The following LRRC37A2 variants were observed in gnomAD, a reference collection of about 807,000 sequenced individuals.
LRRC37A2 encodes leucine-rich repeat-containing protein 37A2.
Under a neutral mutation model 68.8 loss-of-function variants are expected in LRRC37A2, and 9 were observed. The ratio of observed to expected loss-of-function variants is 0.13; its 90% CI spans 0.08 to 0.23. The LOEUF (loss-of-function observed/expected upper bound fraction) is 0.23. Ranked by LOEUF, LRRC37A2 falls within the 10% of genes least tolerant of loss-of-function variation. The pLI is 1.00. For synonymous variants in LRRC37A2, 63 were observed against 367.6 expected (o/e 0.17, Z 9.48); for missense variants, 168 against 950.4 (o/e 0.18, Z 10.82).
At chr17:47,000,733 C>T in the LRRC37A2 span, among the ~76,000 whole-genome samples, 35 of 152,204 alleles carry the variant, frequency 2.3e-4, no homozygotes, top group South Asian at 5.2e-3. Flanking sequence ...GCTTTATAAT[C>T]GTGGGTTTCA....
the LRRC37A2 span, chr17:46,763,846 A>AC: frequency 2.0e-5 from 3 of 149,820 alleles, no homozygotes; most frequent in Admixed American, 1.3e-4. Flanking sequence ...AAAAAAAAAA[A>AC]CAAAAAAACA....
chr17:46,862,071 G>A, the LRRC37A2 span, among the ~76,000 whole-genome samples: 3 of 151,116 alleles, frequency 2.0e-5, no homozygotes, highest in Admixed American at 6.6e-5. Flanking sequence ...GCTGAGGCAA[G>A]AGAATTGCTT....
At chr17:46,774,359 C>A in the LRRC37A2 span, among the ~76,000 whole-genome samples, 1 of 152,212 alleles carries the variant, frequency 6.6e-6, no homozygotes, top group African/African-American at 2.4e-5. Context: ...CACGCGCGCG[C>A]GCGCACACAC....
At chr17:46,770,481 G>C in the LRRC37A2 span, among the ~76,000 whole-genome samples, 1 of 152,134 alleles carries the variant, frequency 6.6e-6, no homozygotes, top group African/African-American at 2.4e-5. Flanking sequence ...AGGTCTGTAA[G>C]GAGGGAGGCC....
At chr17:46,860,930 C>T in the LRRC37A2 span, among the ~76,000 whole-genome samples, 1 of 152,160 alleles carries the variant, frequency 6.6e-6, no homozygotes, top group South Asian at 2.1e-4. Context: ...TTGATCATAG[C>T]TCATGGCAGC....
the LRRC37A2 span, among the ~76,000 whole-genome samples, chr17:47,044,873 G>A: frequency 1.5e-4 from 22 of 142,260 alleles, no homozygotes; most frequent in East Asian, 2.2e-3. Flanking sequence ...TTAGCCAGGC[G>A]TGGTGGCACA....
chr17:46,935,515 G>A, the LRRC37A2 span: 30 of 1,297,112 alleles, frequency 2.3e-5, no homozygotes, highest in Non-Finnish European at 2.8e-5. Flanking sequence ...GAATGAAGAC[G>A]TGGCTGTCCT....
the LRRC37A2 span, among the ~76,000 whole-genome samples, chr17:46,992,191 A>T: frequency 2.4e-5 from 1 of 42,128 alleles, no homozygotes; most frequent in South Asian, 8.4e-4. Context: ...CAAAAACCCC[A>T]TCTCTACTAA....
the LRRC37A2 span, among the ~76,000 whole-genome samples, chr17:46,449,427 TGAGA>T: frequency 1.2e-5 from 1 of 80,292 alleles, no homozygotes; most frequent in African/African-American, 5.4e-5. Context: ...TGCAGAAAGG[TGAGA>T]GAAATAAGCT....
At chr17:46,935,217 C>T in the LRRC37A2 span, 24 of 1,611,608 alleles carry the variant, frequency 1.5e-5, no homozygotes, top group East Asian at 3.6e-4. Flanking sequence ...GTTTTAGCCT[C>T]ATCCAACAGT....
chr17:46,722,010 C>A, the LRRC37A2 span: 1 of 1,608,502 alleles, frequency 6.2e-7, no homozygotes, highest in Non-Finnish European at 8.5e-7. Flanking sequence ...CCACCACCAA[C>A]TTCAGTTTCC....
chr17:46,815,183 CAAG>C, the LRRC37A2 span, among the ~76,000 whole-genome samples: 3 of 151,754 alleles, frequency 2.0e-5, no homozygotes, highest in South Asian at 2.1e-4. Context: ...CCAGCGCCCC[CAAG>C]AAGAAGAAGA....
At chr17:46,756,243 T>C in the LRRC37A2 span, 1 of 157,886 alleles carries the variant, frequency 6.3e-6, no homozygotes, top group African/African-American at 2.4e-5. Flanking sequence ...CAAATCTGGC[T>C]TAGTAAATCG....
chr17:46,547,837 C>T, intron 9 of LRRC37A2: 1 of 6,570 alleles, frequency 1.5e-4, no homozygotes, highest in Non-Finnish European at 2.9e-4. Flanking sequence ...CCCTGCTCCT[C>T]TCAGAGGACC....
chr17:46,545,055 G>A (rs956843314), intron 8 of LRRC37A2, among the ~76,000 whole-genome samples: 1 of 138,090 alleles, frequency 7.2e-6, no homozygotes, highest in African/African-American at 2.8e-5. Context: ...CATAGGTGAT[G>A]TATCCTTCCT....
chr17:46,869,188 C>T, the LRRC37A2 span, among the ~76,000 whole-genome samples: 10 of 152,280 alleles, frequency 6.6e-5, no homozygotes, highest in African/African-American at 2.4e-4. Context: ...GGTCATTAAT[C>T]GCTACTAAGT....
chr17:46,938,832 G>A, the LRRC37A2 span: 45 of 1,608,630 alleles, frequency 2.8e-5, no homozygotes, highest in Non-Finnish European at 3.8e-5. Context: ...AGAGAGAGGG[G>A]GGCCCAGAGG....
chr17:47,000,018 TAAAA>T, the LRRC37A2 span, among the ~76,000 whole-genome samples: 3 of 74,318 alleles, frequency 4.0e-5, no homozygotes, highest in African/African-American at 1.6e-4. Context: ...TAAAATAAAA[TAAAA>T]TAAAATAAAA....
chr17:46,649,854 TA>T, the LRRC37A2 span, among the ~76,000 whole-genome samples: 2 of 75,946 alleles, frequency 2.6e-5, no homozygotes, highest in South Asian at 1.1e-3. Context: ...GCCCATCGTG[TA>T]AAACCATTTT....
Sources: gnomAD v4.1 joint callset for allele counts (sites outside exome capture counted in the v4.1 genomes callset) on GRCh38, gnomAD v4.1.1 for gene constraint, MANE v1.5 for transcripts, NCBI Gene and HGNC (gene_info 2026-07-23, HGNC 2026-07-21) for gene names.